LAMC2: variants seen among roughly 807,000 people sequenced by gnomAD.
LAMC2 encodes the protein laminin subunit gamma-2.
LAMC2 carries 97 observed loss-of-function variants against 140.2 expected under a neutral mutation model. The ratio of observed to expected loss-of-function variants is 0.69; its 90% CI spans 0.59 to 0.82. LAMC2 has a LOEUF of 0.82. Ranked by LOEUF, LAMC2 falls within the 40% of genes least tolerant of loss-of-function variation. LAMC2 has a pLI of 0.00. For missense variants in LAMC2, 1,402 were observed against 1,476.1 expected, an observed-to-expected ratio of 0.95 and a Z score of 0.82; for synonymous variants, 513 against 540.2, an observed-to-expected ratio of 0.95 and a Z score of 0.70.
rs946476456 is a variant in LAMC2, at chr1:183,226,738, C to T, written c.1107C>T (p.Arg369=). ...YIDNVTLISA[R]PVSGAPAPWV... ...ACAATGTGACCCTGATTTCAGCCCG[C>T]CCTGTCTCTGGAGCCCCAGCACCCT... Residue 369 remains arginine (R), a synonymous_variant, in exon 9 of 23, where the codon CGC becomes CGT. Transcript: ENST00000264144. The T allele has an allele frequency of 6.2e-7, 1 of 1,614,242 alleles. No homozygotes were observed.
At chr1:183,199,582 G>T (rs1658642548) in intron 1 of LAMC2, among the ~76,000 whole-genome samples, 1 of 151,798 alleles carries the variant, frequency 6.6e-6, no homozygotes, top group Non-Finnish European at 1.5e-5. Flanking sequence ...CACTGCATTA[G>T]GTACAGTGGG....
In LAMC2 at chr1:183,228,471, TGTGGACCCCA is replaced by T; in HGVS notation, c.1570_1579del (p.Asp524ProfsTer8). 2 of 1,613,774 alleles carry T rather than the reference TGTGGACCCCA, an allele frequency of 1.2e-6. No individual in the cohort carries two copies. The highest frequency in any genetic ancestry group is 1.7e-6 in the Non-Finnish European group (2 of 1,179,962). ...GTCAGCCCTGTCAATGCAACAACAA[TGTGGACCCCA>T]GTGCCTCTGGGAATTGTGACCGGCT... On this transcript the variant is annotated frameshift_variant, in exon 11 of 23. Transcript: ENST00000264144. LOFTEE classifies it high-confidence loss of function. This position sits in a 1 kb window ranked among gnomAD's most constrained non-coding sequence, Gnocchi z 4.3.
At chr1:183,246,829 C>T (rs772348324), downstream of LAMC2, among the ~76,000 whole-genome samples, 1 of 152,176 alleles carries the variant, frequency 6.6e-6, no homozygotes, top group Non-Finnish European at 1.5e-5. Context: ...ACCTGGAGAA[C>T]ATAGATTAGA....
chr1:183,209,000 T>TTA (rs1390074793), intron 2 of LAMC2, among the ~76,000 whole-genome samples: 3 of 149,532 alleles, frequency 2.0e-5, no homozygotes, highest in African/African-American at 7.4e-5. Context: ...TTTTTTTTTT[T>TTA]AAAGTATCCC....
chr1:183,240,046 G>A lies in LAMC2; in HGVS notation c.3076G>A (p.Gly1026Arg), dbSNP rs780929539. 2 of 1,613,966 alleles carry A rather than the reference G, an allele frequency of 1.2e-6. No homozygotes were observed. The highest frequency in any genetic ancestry group is 2.7e-5 in the African/African-American group (2 of 74,866). The change falls in exon 21 of 23, where the codon GGG becomes AGG. Residue 1026 changes from glycine to arginine, a missense_variant. This residue lies in a region of LAMC2 where 670 missense variants were observed against 667.2 expected (regional missense o/e 1.00). Transcript: ENST00000264144. Reference sequence around the variant, plus strand: ...GCTCCTTTTCTTCTCTCAGGAGATTGGGAGTCTGAACTTGGAAGCCAATGT... The same window carrying A: ...GCTCCTTTTCTTCTCTCAGGAGATTAGGAGTCTGAACTTGGAAGCCAATGT... ...EISSEIEQEI[G>R]SLNLEANVTA...
chr1:183,196,633 A>C (rs1445223886), intron 1 of LAMC2, among the ~76,000 whole-genome samples: 1 of 152,204 alleles, frequency 6.6e-6, no homozygotes, highest in Non-Finnish European at 1.5e-5. Context: ...GACTTCATGG[A>C]GGCAACTGTT....
chr1:183,252,269 C>T, the LAMC2 span: 1 of 219,552 alleles, frequency 4.6e-6, no homozygotes. Context: ...AGCCGCCTCT[C>T]TAGAGCATGC....
At chr1:183,216,763 A>C (rs1659274019) in intron 3 of LAMC2, among the ~76,000 whole-genome samples, 1 of 152,080 alleles carries the variant, frequency 6.6e-6, no homozygotes, top group Admixed American at 6.6e-5. Context: ...ACTAAAATGT[A>C]AGCCCCCTGT....
intron 8 of LAMC2, 127 bp from the exon 9 acceptor site, chr1:183,226,571 T>A: frequency 1.2e-6 from 1 of 820,012 alleles, no homozygotes; most frequent in Non-Finnish European, 2.1e-6. Flanking sequence ...CCTCTCTACA[T>A]GGCATGATAT....
chr1:183,186,545 GT>G, intron 1 of LAMC2, 114 bp downstream of exon 1: 1 of 1,197,798 alleles, frequency 8.3e-7, no homozygotes, highest in Non-Finnish European at 1.2e-6. Flanking sequence ...CCAGAAACTT[GT>G]TAGAGCTCCC....
At chr1:183,194,639 A>G (rs977075956) in intron 1 of LAMC2, among the ~76,000 whole-genome samples, 2 of 152,200 alleles carry the variant, frequency 1.3e-5, no homozygotes, top group African/African-American at 4.8e-5. Flanking sequence ...CTCTTTATTC[A>G]GACACATCAT....
chr1:183,256,102 T>A, the LAMC2 span, among the ~76,000 whole-genome samples: 36 of 151,926 alleles, frequency 2.4e-4, no homozygotes, highest in East Asian at 5.8e-4. Flanking sequence ...GTGGGTTTTT[T>A]AAAAAAAATA....
At chr1:183,191,751 C>G (rs1658342023) in intron 1 of LAMC2, among the ~76,000 whole-genome samples, 1 of 152,000 alleles carries the variant, frequency 6.6e-6, no homozygotes, top group Non-Finnish European at 1.5e-5. Flanking sequence ...CCCAGCTACT[C>G]AGGAGGCTGA....
At chr1:183,198,156 T>TA (rs1224590968) in intron 1 of LAMC2, among the ~76,000 whole-genome samples, 1 of 142,468 alleles carries the variant, frequency 7.0e-6, no homozygotes, top group African/African-American at 2.6e-5. Flanking sequence ...TTTTTTTTTT[T>TA]AATTGAGACA....
At chr1:183,240,462 C>A in intron 22 of LAMC2, 71 bp downstream of exon 22, 2 of 1,583,324 alleles carry the variant, frequency 1.3e-6, no homozygotes, top group Non-Finnish European at 1.7e-6. Context: ...ACTCACTATA[C>A]CTAGCCCCAG....
the LAMC2 span, among the ~76,000 whole-genome samples, chr1:183,253,371 T>C: frequency 1.2e-4 from 18 of 150,096 alleles, no homozygotes; most frequent in African/African-American, 4.4e-4. Context: ...ATGGTTACTG[T>C]AGTGGACCAA....
At chr1:183,224,278 G>T (rs1278743359) in intron 7 of LAMC2, among the ~76,000 whole-genome samples, 1 of 152,132 alleles carries the variant, frequency 6.6e-6, no homozygotes, top group Non-Finnish European at 1.5e-5. Context: ...GGGAGAACTG[G>T]CAAGCAATAT....
Position 183,196,881 on chromosome 1 carries a change from A to G in LAMC2, c.79+10450A>G, listed in dbSNP as rs144702152. Among the ~76,000 whole-genome samples, 13 of 152,338 alleles carry G rather than the reference A, an allele frequency of 8.5e-5. No homozygotes were observed. In the East Asian group the frequency reaches 2.5e-3, roughly 29 times the overall value. On this transcript the variant is annotated intron_variant, in intron 1 of 22. Transcript: ENST00000264144. ...CAGAGGAAATGAAGACATAAAATGA[A>G]GTGTATGTGAATGAATGGAAGAGAG...
At chr1:183,207,276 G>A (rs1478219125) in intron 1 of LAMC2, among the ~76,000 whole-genome samples, 1 of 152,114 alleles carries the variant, frequency 6.6e-6, no homozygotes, top group Non-Finnish European at 1.5e-5. Flanking sequence ...CACTTTGCGA[G>A]TCTCTTTGGA....
Sources: allele counts gnomAD v4.1 joint callset (sites outside exome capture counted in the v4.1 genomes callset), GRCh38; gene constraint gnomAD v4.1.1; regional missense constraint gnomAD v4.1.1; non-coding constraint Gnocchi (gnomAD v3.1); transcripts MANE v1.5; gene names NCBI Gene and HGNC (gene_info 2026-07-23, HGNC 2026-07-21).